The following SLC35F2 variants were observed in gnomAD, a reference collection of about 807,000 sequenced individuals.
SLC35F2 encodes the protein solute carrier family 35 member F2, also known as queuine/queuosine transporter SLC35F2.
SLC35F2 carries 25 observed loss-of-function variants against 38.1 expected under a neutral mutation model. The ratio of observed to expected loss-of-function variants is 0.66; its 90% confidence interval spans 0.48 to 0.92. SLC35F2 has a LOEUF of 0.92. Ranked by LOEUF, SLC35F2 falls within the 40% of genes least tolerant of loss-of-function variation. The pLI is 0.00. For missense variants in SLC35F2, 409 were observed against 452.9 expected (o/e 0.90, Z 0.88); for synonymous variants, 173 against 181.7 (o/e 0.95, Z 0.38).
At chr11:107,857,794 T>A (rs1860317106) in intron 1 of SLC35F2, among the ~76,000 whole-genome samples, 1 of 152,186 alleles carries the variant, frequency 6.6e-6, no homozygotes, top group Admixed American at 6.6e-5. Flanking sequence ...TCTTGTGGCC[T>A]TGGGCAAATT....
At chr11:107,803,858 C>T (rs961849625) in intron 6 of SLC35F2, among the ~76,000 whole-genome samples, 2 of 151,832 alleles carry the variant, frequency 1.3e-5, no homozygotes, top group African/African-American at 4.9e-5. Flanking sequence ...CGGAGTCTCG[C>T]ACTGTTGCCT....
At chr11:107,839,720 C>T (rs1270135304) in intron 1 of SLC35F2, among the ~76,000 whole-genome samples, 1 of 152,130 alleles carries the variant, frequency 6.6e-6, no homozygotes, top group Non-Finnish European at 1.5e-5. Flanking sequence ...ATGGTGCGAT[C>T]TCGGCTCATC....
At chr11:107,812,349 C>G (rs555862361) in intron 2 of SLC35F2, among the ~76,000 whole-genome samples, 1 of 152,060 alleles carries the variant, frequency 6.6e-6, no homozygotes, top group Non-Finnish European at 1.5e-5. Flanking sequence ...ATAAAAGCAC[C>G]AGAATGAAAG....
At chr11:107,818,267 C>T (rs11821199) in intron 1 of SLC35F2, among the ~76,000 whole-genome samples, 12,433 of 151,788 alleles carry the variant, frequency 0.082, 588 homozygotes, top group African/African-American at 0.13. Flanking sequence ...CCCATCTCTA[C>T]TAAAAACACA....
intron 1 of SLC35F2, among the ~76,000 whole-genome samples, chr11:107,843,905 A>ATG (rs1555086787): frequency 1.3e-4 from 16 of 123,746 alleles, no homozygotes; most frequent in Non-Finnish European, 2.4e-4. Context: ...ATATATATAT[A>ATG]TATGTATATT....
chr11:107,843,501 G>A (rs899356124), intron 1 of SLC35F2, among the ~76,000 whole-genome samples: 1 of 150,280 alleles, frequency 6.7e-6, no homozygotes, highest in South Asian at 2.1e-4. Context: ...AGTGAGCCAA[G>A]ATCGCACCAT....
intron 1 of SLC35F2, among the ~76,000 whole-genome samples, chr11:107,850,379 A>G (rs1860159958): frequency 2.0e-5 from 3 of 152,182 alleles, no homozygotes; most frequent in Admixed American, 6.5e-5. Context: ...GTGGTTCTCA[A>G]TTAGGGATGA....
chr11:107,825,780 T>G (rs1483618751), intron 1 of SLC35F2, among the ~76,000 whole-genome samples: 1 of 152,160 alleles, frequency 6.6e-6, no homozygotes, highest in African/African-American at 2.4e-5. Context: ...CTGAGGTCTC[T>G]CAACTTTTAG....
At chr11:107,832,554 G>T (rs1859861936) in intron 1 of SLC35F2, among the ~76,000 whole-genome samples, 1 of 152,208 alleles carries the variant, frequency 6.6e-6, no homozygotes, top group African/African-American at 2.4e-5. Context: ...TGTAATCCCA[G>T]CACTTTGAGA....
intron 7 of SLC35F2, among the ~76,000 whole-genome samples, chr11:107,794,044 C>A (rs551447602): frequency 6.7e-6 from 1 of 150,288 alleles, no homozygotes; most frequent in Admixed American, 6.6e-5. Flanking sequence ...AAAATCCATA[C>A]AAAAGTTGAA....
chr11:107,800,110 G>C (rs1036946254), intron 7 of SLC35F2, among the ~76,000 whole-genome samples: 2 of 151,594 alleles, frequency 1.3e-5, no homozygotes, highest in African/African-American at 4.9e-5. Context: ...GGATGGTCTC[G>C]ATCTCCTGAC....
chr11:107,792,587 T>A lies in SLC35F2; in HGVS notation c.*28A>T. ...GGCAGCAGGCTCTGCTTTATCCTGG[T>A]GGGGGATGGGTGCGCCATCTTCTCC... is the stretch of plus-strand genomic sequence containing the variant. On this transcript the variant is annotated 3_prime_UTR_variant, in exon 8 of 8. Coordinates refer to ENST00000525815, the MANE Select transcript of SLC35F2 (RefSeq NM_017515.5). 6.3e-7 allele frequency: 1 copy of A among 1,576,086 alleles called. No individual in the cohort carries two copies. Among genetic ancestry groups the A allele is most frequent in the South Asian group, 1.2e-5 (1 of 83,090 alleles).
At chr11:107,847,418 C>T (rs548419402) in intron 1 of SLC35F2, among the ~76,000 whole-genome samples, 2 of 152,298 alleles carry the variant, frequency 1.3e-5, no homozygotes, top group African/African-American at 4.8e-5. Context: ...AGGCAATTCA[C>T]TTCTTCCACA....
chr11:107,833,165 CTTATT>C (rs906878179), intron 1 of SLC35F2, among the ~76,000 whole-genome samples: 22 of 152,218 alleles, frequency 1.4e-4, no homozygotes, highest in African/African-American at 4.3e-4. Context: ...TATACCCTAT[CTTATT>C]TTATTTTTGA....
chr11:107,830,605 GA>G (rs1249578529), intron 1 of SLC35F2, among the ~76,000 whole-genome samples: 4 of 132,654 alleles, frequency 3.0e-5, no homozygotes, highest in African/African-American at 8.6e-5. Flanking sequence ...AAAAAGAAAA[GA>G]AAAAAAAAGA....
At chr11:107,808,056 G>C (rs1450819631) in intron 3 of SLC35F2, among the ~76,000 whole-genome samples, 2 of 152,196 alleles carry the variant, frequency 1.3e-5, no homozygotes, top group South Asian at 4.1e-4. Context: ...AAAGGACATG[G>C]AATAAATAAT....
At chr11:107,819,475 A>G (rs1859636588) in intron 1 of SLC35F2, among the ~76,000 whole-genome samples, 2 of 152,176 alleles carry the variant, frequency 1.3e-5, no homozygotes, top group Non-Finnish European at 2.9e-5. Flanking sequence ...TCTACCAGGC[A>G]CCAGCTGATG....
At chr11:107,806,512 C>T in intron 4 of SLC35F2, 1 of 541,578 alleles carries the variant, frequency 1.8e-6, no homozygotes, top group Non-Finnish European at 3.4e-6. Flanking sequence ...AGACGTTTAA[C>T]TCACTTGAAG....
chr11:107,851,931 C>T (rs901573365), intron 1 of SLC35F2, among the ~76,000 whole-genome samples: 15 of 152,160 alleles, frequency 9.9e-5, no homozygotes, highest in African/African-American at 3.6e-4. Flanking sequence ...GGATACATAC[C>T]AGCTTGGGAT....
Sources: allele counts gnomAD v4.1 joint callset (sites outside exome capture counted in the v4.1 genomes callset), GRCh38; gene constraint gnomAD v4.1.1; transcripts MANE v1.5; gene names NCBI Gene and HGNC (gene_info 2026-07-23, HGNC 2026-07-21).